Variants in CTBP1 observed in about 807,000 individuals in gnomAD.
CTBP1 encodes the protein C-terminal-binding protein 1.
A neutral mutation model predicts 42.1 loss-of-function variants in CTBP1; 11 were observed. The observed-to-expected ratio is 0.26, with a 90% CI of 0.16 to 0.43. The LOEUF (loss-of-function observed/expected upper bound fraction) is 0.43. CTBP1 is among the 20% of genes least tolerant of loss of function. The pLI is 1.00. For missense variants in CTBP1, 399 were observed against 624.3 expected (o/e 0.64, Z 3.85); for synonymous variants, 324 against 277.1 (o/e 1.17, Z -1.68).
intron 1 of CTBP1, chr4:1,244,908 C>A (rs373352401): frequency 1.0e-6 from 1 of 985,346 alleles, no homozygotes; most frequent in African/African-American, 1.7e-5. Flanking sequence ...CAGCCTGACC[C>A]GGAGCCTTCC....
At chr4:1,223,758 C>A (rs1560245348) in intron 5 of CTBP1, among the ~76,000 whole-genome samples, 1 of 152,056 alleles carries the variant, frequency 6.6e-6, no homozygotes, top group Admixed American at 6.5e-5. Flanking sequence ...CCTCACCTGG[C>A]CTCTCCCAGC....
In CTBP1 at chr4:1,213,026, C is replaced by T; in HGVS notation, c.993G>A (p.Arg331=). 2 of 1,613,596 alleles carry T rather than the reference C, an allele frequency of 1.2e-6. No individual in the cohort carries two copies. The highest frequency in any genetic ancestry group is 1.7e-6 in the Non-Finnish European group (2 of 1,179,800). ...CACAGTTCTTCAGGCTGTCTGGGAT[C>T]CGGCCTGGGAGATGCAGGAGGAAGG... ...AREIRRAITG[R]IPDSLKNCVN... The change falls in exon 9 of 10, where the codon CGG becomes CGA. Residue 331 remains arginine (R), a synonymous_variant. Coordinates refer to ENST00000382952, the MANE Select transcript of CTBP1 (RefSeq NM_001012614.2).
At chr4:1,247,260 C>A (rs1732811950) in intron 1 of CTBP1, among the ~76,000 whole-genome samples, 1 of 152,214 alleles carries the variant, frequency 6.6e-6, no homozygotes, top group Non-Finnish European at 1.5e-5. Flanking sequence ...GCCGGGCAGG[C>A]GGACGAGGCA....
At position 1,235,215 on chromosome 4, in the gene CTBP1, CTG is replaced by C. The variant is rs1390900239; in HGVS notation, c.162+2966_162+2967del. On this transcript the variant is annotated intron_variant, in intron 3 of 9. Transcript: ENST00000382952. This position sits in a 1 kb window ranked among gnomAD's most constrained non-coding sequence, Gnocchi z 4.2. ...CTGCTAGGGAGCATGACGTGCAGGT[CTG>C]TGTGTGGACGCGCATTCCGAGTCTC... is the stretch of plus-strand genomic sequence containing the variant. 6.6e-6 allele frequency: 1 copy of C among 152,176 alleles called. No homozygotes were observed. The highest frequency in any genetic ancestry group is 1.9e-4 in the East Asian group (1 of 5,198). The allele number at this position is 152,176 out of a possible 1,614,324, so 9.4% of individuals were successfully genotyped here. A position where few individuals can be genotyped will look rare whatever the true frequency, so the allele number is the denominator to read the frequency against.
upstream of CTBP1, chr4:1,249,558 C>T (rs144506972): frequency 7.2e-3 from 1,512 of 211,404 alleles, 23 homozygotes; most frequent in African/African-American, 0.031. Context: ...GCTCGCTTCT[C>T]GCCCCGCGGC....
At chr4:1,212,490 C>A in intron 9 of CTBP1, 67 bp from the exon 10 acceptor site, 1 of 1,328,786 alleles carries the variant, frequency 7.5e-7, no homozygotes, top group Non-Finnish European at 9.8e-7. Context: ...ACCTGCCCTC[C>A]TAGCATCGGC....
Position 1,241,434 on chromosome 4 carries a change from C to T in CTBP1, c.-103G>A. On this transcript the variant is annotated 5_prime_UTR_variant, in exon 2 of 10. Transcript: ENST00000382952. ...ACCGCGTCCTGTCTCGGAGCCTCAT[C>T]CCACGTCCTTAATTGTCTCGAGCCA... The T allele has an allele frequency of 6.5e-7, 1 of 1,528,810 alleles. No individual in the cohort carries two copies. 94.7% of individuals were successfully genotyped at this position (1,528,810 alleles called of 1,614,324 possible). A position where few individuals can be genotyped will look rare whatever the true frequency, so the allele number is the denominator to read the frequency against.
At chr4:1,214,178 G>A (rs1728849049) in intron 7 of CTBP1, 165 bp downstream of exon 7, 2 of 891,150 alleles carry the variant, frequency 2.2e-6, no homozygotes, top group African/African-American at 3.5e-5. Context: ...AGAGCCCGTG[G>A]CTCCATCCTC....
intron 5 of CTBP1, among the ~76,000 whole-genome samples, chr4:1,221,004 G>C (rs1294580452): frequency 6.6e-6 from 1 of 152,230 alleles, no homozygotes; most frequent in Non-Finnish European, 1.5e-5. Context: ...TCGTCACAGA[G>C]AGAGGTCAAG....
chr4:1,231,642 G>C (rs1022928468), intron 3 of CTBP1, among the ~76,000 whole-genome samples: 3 of 152,236 alleles, frequency 2.0e-5, no homozygotes, highest in Non-Finnish European at 4.4e-5. Flanking sequence ...TACCTTTCCA[G>C]ACCTCGTGCA....
chr4:1,244,769 G>A (rs1185592037), intron 1 of CTBP1: 2 of 985,306 alleles, frequency 2.0e-6, no homozygotes, highest in Non-Finnish European at 2.4e-6. Flanking sequence ...AAGCTGCCCT[G>A]CCGTGAGTCC....
In CTBP1 at chr4:1,241,487, A is replaced by G; in HGVS notation, c.-156T>C. The stretch of plus-strand genomic sequence containing the variant: ...GTGCTCAGGCTTCTGATCCGCGGCA[A>G]TCACTGAAGCCTGCGTCGGGGTCAA... On this transcript the variant is annotated 5_prime_UTR_variant, in exon 2 of 10. Coordinates refer to ENST00000382952, the MANE Select transcript of CTBP1 (RefSeq NM_001012614.2). 6.2e-7 allele frequency: 1 copy of G among 1,605,030 alleles called. No homozygotes were observed. The highest frequency in any genetic ancestry group is 8.5e-7 in the Non-Finnish European group (1 of 1,178,204).
At chr4:1,222,283 G>A (rs1380020369) in intron 5 of CTBP1, among the ~76,000 whole-genome samples, 1 of 152,040 alleles carries the variant, frequency 6.6e-6, no homozygotes, top group African/African-American at 2.4e-5. Flanking sequence ...TAGGGGTCCC[G>A]TCCACAAGGT....
chr4:1,247,303 C>T (rs555117181), intron 1 of CTBP1, among the ~76,000 whole-genome samples: 2 of 152,328 alleles, frequency 1.3e-5, no homozygotes, highest in East Asian at 3.9e-4. Flanking sequence ...ACCCCCAGTG[C>T]GTGTCCCTCC....
chr4:1,247,583 G>A (rs1481082998), intron 1 of CTBP1, among the ~76,000 whole-genome samples: 1 of 152,124 alleles, frequency 6.6e-6, no homozygotes, highest in Non-Finnish European at 1.5e-5. Flanking sequence ...ACGGCAAATA[G>A]TTACCCCACG....
rs566826759 is a variant in CTBP1 at position 1,245,961 on chromosome 4, G to A, written c.-189+2955C>T. Among the ~76,000 whole-genome samples the A allele has an allele frequency of 1.0e-3, 157 of 152,260 alleles. 1 individual carries two copies. Among genetic ancestry groups the A allele is most frequent in the Admixed American group, 1.5e-3 (23 of 15,296 alleles). On this transcript the variant is annotated intron_variant, in intron 1 of 9. Transcript: ENST00000382952. ...GTGAGAACTGGTACCACCTGGGGCC[G>A]CCCAGAGAGACAACTCAAGGTTAAC...
At chr4:1,214,915 G>A (rs3775109) in intron 6 of CTBP1, among the ~76,000 whole-genome samples, 9,073 of 152,348 alleles carry the variant, frequency 0.06, 450 homozygotes, top group East Asian at 0.2. Context: ...CCCCAGCGGG[G>A]CCTGCAGCAG....
rs560250263 is a variant in CTBP1, at chr4:1,237,759, T to A, written c.162+424A>T. The A allele has an allele frequency of 1.1e-3, 783 of 699,474 alleles. No homozygotes were observed. In the African/African-American group the frequency reaches 0.012, roughly 11 times the overall value. The allele number at this position is 699,474 out of a possible 1,614,324, so 43.3% of individuals were successfully genotyped here. A position where few individuals can be genotyped will look rare whatever the true frequency, so the allele number is the denominator to read the frequency against. Reference sequence around the variant, plus strand: ...CAGGGAAAACCCCGTGTCCACCTCCTGATGGGGCTCAGGACAAACCCCGTG... The same window carrying A: ...CAGGGAAAACCCCGTGTCCACCTCCAGATGGGGCTCAGGACAAACCCCGTG... On this transcript the variant is annotated intron_variant, in intron 3 of 9. Transcript: ENST00000382952.
chr4:1,221,796 G>C (rs1434869678), intron 5 of CTBP1: 1 of 446,244 alleles, frequency 2.2e-6, no homozygotes, highest in Admixed American at 2.4e-5. Flanking sequence ...CAACGTGCTG[G>C]TGGGTTCATG....
Sources: gnomAD v4.1 joint callset for allele counts (sites outside exome capture counted in the v4.1 genomes callset) on GRCh38, gnomAD v4.1.1 for gene constraint, Gnocchi (gnomAD v3.1) non-coding constraint, MANE v1.5 for transcripts, NCBI Gene and HGNC (gene_info 2026-07-23, HGNC 2026-07-21) for gene names.